LSAMP: variants seen among roughly 807,000 people sequenced by gnomAD.
LSAMP encodes the protein limbic system associated membrane protein, also known as limbic system-associated membrane protein.
LSAMP carries 7 observed loss-of-function variants against 38.6 expected under a neutral mutation model. The observed-to-expected ratio is 0.18, with a 90% confidence interval of 0.10 to 0.34. The LOEUF is 0.34. LSAMP is among the 10% of genes least tolerant of loss of function. The pLI is 1.00. For missense variants in LSAMP, 313 were observed against 420.0 expected, an observed-to-expected ratio of 0.75 and a Z score of 2.23; for synonymous variants, 154 against 166.8, an observed-to-expected ratio of 0.92 and a Z score of 0.59.
intron 3 of LSAMP, among the ~76,000 whole-genome samples, chr3:116,007,307 G>C (rs951156527): frequency 5.3e-5 from 8 of 151,896 alleles, no homozygotes; most frequent in Non-Finnish European, 1.5e-5. Context: ...TTGCCAAGGA[G>C]TTTGCTTCTC....
At chr3:115,872,313 C>T (rs974707335) in intron 3 of LSAMP, among the ~76,000 whole-genome samples, 10 of 152,114 alleles carry the variant, frequency 6.6e-5, no homozygotes, top group South Asian at 4.1e-4. Flanking sequence ...ATATCTAAAT[C>T]ACTTATCCTT....
chr3:116,272,768 C>T (rs1203151655), intron 1 of LSAMP, among the ~76,000 whole-genome samples: 2 of 151,948 alleles, frequency 1.3e-5, no homozygotes, highest in African/African-American at 4.8e-5. Flanking sequence ...AGAATCTGTC[C>T]TAAGTAAGTG....
At chr3:116,071,153 A>G (rs915417350) in intron 2 of LSAMP, among the ~76,000 whole-genome samples, 8 of 147,010 alleles carry the variant, frequency 5.4e-5, no homozygotes, top group Non-Finnish European at 1.2e-4. Flanking sequence ...TCACTCTAGC[A>G]TAGATGATTT....
At chr3:116,052,124 A>G (rs550430032) in intron 2 of LSAMP, among the ~76,000 whole-genome samples, 1 of 152,338 alleles carries the variant, frequency 6.6e-6, no homozygotes, top group Non-Finnish European at 1.5e-5. Context: ...CTGTAGACAG[A>G]GGGCCAACAA....
chr3:115,998,749 C>G (rs1406194966), intron 3 of LSAMP, among the ~76,000 whole-genome samples: 1 of 152,040 alleles, frequency 6.6e-6, no homozygotes, highest in Non-Finnish European at 1.5e-5. Context: ...GAAGAGTGAT[C>G]TATATAAGGT....
At chr3:116,416,698 C>T (rs2049055309) in intron 1 of LSAMP, among the ~76,000 whole-genome samples, 2 of 152,142 alleles carry the variant, frequency 1.3e-5, no homozygotes, top group Admixed American at 6.6e-5. Flanking sequence ...TATCTTTCTG[C>T]TCCCGTACAC....
At chr3:116,414,417 C>G (rs559237190) in intron 1 of LSAMP, among the ~76,000 whole-genome samples, 2 of 152,220 alleles carry the variant, frequency 1.3e-5, no homozygotes, top group South Asian at 4.1e-4. Flanking sequence ...CCGGTGTCTT[C>G]CAGTTCATTT....
At chr3:116,014,504 T>C (rs1342559289) in intron 3 of LSAMP, among the ~76,000 whole-genome samples, 2 of 152,170 alleles carry the variant, frequency 1.3e-5, no homozygotes, top group African/African-American at 4.8e-5. Context: ...AAATAAAAAA[T>C]GCAAGAGATA....
chr3:116,096,439 G>C (rs1403652054), intron 1 of LSAMP, among the ~76,000 whole-genome samples: 1 of 152,174 alleles, frequency 6.6e-6, no homozygotes, highest in African/African-American at 2.4e-5. Context: ...GAGCTGTCTT[G>C]CATCTGATAG....
At chr3:116,116,479 G>A (rs1209838463) in intron 1 of LSAMP, among the ~76,000 whole-genome samples, 7 of 149,398 alleles carry the variant, frequency 4.7e-5, no homozygotes, top group Non-Finnish European at 1.0e-4. Flanking sequence ...GGCGGGTCAT[G>A]AGGTCAGGAG....
chr3:116,440,737 T>C (rs2049421698), intron 1 of LSAMP, among the ~76,000 whole-genome samples: 1 of 152,248 alleles, frequency 6.6e-6, no homozygotes, highest in Non-Finnish European at 1.5e-5. Flanking sequence ...AAAGGATTTA[T>C]CTGCAATGCA....
Position 116,044,036 on chromosome 3 carries a change from C to T in LSAMP, c.389-24396G>A, listed in dbSNP as rs548712610. ...TTGCTCTACTCTTCCTCCATGAGCC[C>T]TCTTTACCAATTGAATGCAGAGACA... On this transcript the variant is annotated intron_variant, in intron 2 of 6. Transcript: ENST00000490035. Among the ~76,000 whole-genome samples the T allele has an allele frequency of 7.9e-5, 12 of 152,304 alleles. 2 individuals are homozygous for T. The highest frequency in any genetic ancestry group is 2.6e-4 in the African/African-American group (11 of 41,584).
At chr3:116,421,164 A>C (rs2049118132) in intron 1 of LSAMP, among the ~76,000 whole-genome samples, 1 of 152,236 alleles carries the variant, frequency 6.6e-6, no homozygotes, top group Non-Finnish European at 1.5e-5. Context: ...GAATTATAAA[A>C]GAAACCTTGA....
At chr3:115,946,678 T>C (rs956802546) in intron 3 of LSAMP, among the ~76,000 whole-genome samples, 1 of 152,180 alleles carries the variant, frequency 6.6e-6, no homozygotes, top group African/African-American at 2.4e-5. Context: ...AAGCCCTTCG[T>C]TGGAAAATTT....
At chr3:116,203,397 A>C (rs6438301) in intron 1 of LSAMP, among the ~76,000 whole-genome samples, 90 of 114,270 alleles carry the variant, frequency 7.9e-4, no homozygotes, top group Admixed American at 3.5e-3. Flanking sequence ...TTATTTATTT[A>C]TTTTTTATTT....
At chr3:116,128,849 C>T (rs561586589) in intron 1 of LSAMP, among the ~76,000 whole-genome samples, 10 of 152,074 alleles carry the variant, frequency 6.6e-5, no homozygotes, top group Non-Finnish European at 1.5e-4. Flanking sequence ...GTGATCTCTG[C>T]AAAGAAAAAG....
At chr3:115,956,285 A>G (rs1283780426) in intron 3 of LSAMP, among the ~76,000 whole-genome samples, 1 of 150,296 alleles carries the variant, frequency 6.7e-6, no homozygotes, top group African/African-American at 2.5e-5. Flanking sequence ...GACAGATCTG[A>G]TCTCGTAGGC....
chr3:116,270,676 ATGT>A (rs1421774654), intron 1 of LSAMP, among the ~76,000 whole-genome samples: 6 of 152,088 alleles, frequency 3.9e-5, no homozygotes, highest in Admixed American at 3.3e-4. Context: ...TTAATGTTTA[ATGT>A]TGGAGGGTTC....
chr3:116,026,804 C>T (rs1226410178), intron 2 of LSAMP, among the ~76,000 whole-genome samples: 2 of 152,172 alleles, frequency 1.3e-5, no homozygotes, highest in Non-Finnish European at 2.9e-5. Flanking sequence ...ACTTTTTCAT[C>T]CCTGGGTCAT....
Sources: gnomAD v4.1 joint callset for allele counts (sites outside exome capture counted in the v4.1 genomes callset) on GRCh38, gnomAD v4.1.1 for gene constraint, MANE v1.5 for transcripts, NCBI Gene and HGNC (gene_info 2026-07-23, HGNC 2026-07-21) for gene names.